Variants in NTRK3 observed in about 807,000 individuals in gnomAD.
NTRK3 encodes the protein neurotrophic receptor tyrosine kinase 3, also known as NT-3 growth factor receptor.
Under a neutral mutation model 91.7 loss-of-function variants are expected in NTRK3, and 24 were observed. The ratio of observed to expected loss-of-function variants is 0.26; its 90% confidence interval spans 0.19 to 0.37. The LOEUF (loss-of-function observed/expected upper bound fraction) is 0.37, where lower values mean the gene tolerates loss of function less well. Ranked by LOEUF, NTRK3 falls within the 10% of genes least tolerant of loss-of-function variation. The pLI is 1.00. For missense variants in NTRK3, 880 were observed against 1,068.9 expected, an observed-to-expected ratio of 0.82 and a Z score of 2.46; for synonymous variants, 483 against 404.0, an observed-to-expected ratio of 1.20 and a Z score of -2.34.
intron 13 of NTRK3, among the ~76,000 whole-genome samples, chr15:88,073,341 T>C (rs1362398526): frequency 6.6e-6 from 1 of 152,160 alleles, no homozygotes; most frequent in Non-Finnish European, 1.5e-5. Flanking sequence ...GTGATTCCCA[T>C]AGTGTGAGCC....
chr15:87,929,685 T>C (rs1306482398), intron 16 of NTRK3, among the ~76,000 whole-genome samples: 1 of 152,246 alleles, frequency 6.6e-6, no homozygotes, highest in Admixed American at 6.5e-5. Flanking sequence ...ATAAACCTAC[T>C]CTTTTTAATA....
rs549441560 is a variant in NTRK3 at position 88,210,550 on chromosome 15, G to C, written c.249-26251C>G. ...ACAAACTGGCCAGAGGGAAAGCTCA[G>C]ATGCAGGAACAACTCTCCCAGGTGG... On this transcript the variant is annotated intron_variant, in intron 3 of 18. Transcript: ENST00000394480. Among the ~76,000 whole-genome samples, 3 of 152,358 alleles carry C rather than the reference G, an allele frequency of 2.0e-5. No homozygotes were observed. In the East Asian group the frequency reaches 5.8e-4, roughly 29 times the overall value.
rs79175147 is a variant in NTRK3 at position 88,012,002 on chromosome 15, T to C, written c.1585+20855A>G. ...GGCAGATCCTCCCATTAGTCCCACCTTATGACAGACACACAGAAACATGGG... is the reference window on the plus strand; with the variant it reads ...GGCAGATCCTCCCATTAGTCCCACCCTATGACAGACACACAGAAACATGGG... On this transcript the variant is annotated intron_variant, in intron 14 of 18. Coordinates refer to ENST00000394480, the Ensembl canonical transcript of NTRK3. Among the ~76,000 whole-genome samples, 4 of 152,280 alleles carry C rather than the reference T, an allele frequency of 2.6e-5. No homozygotes were observed. In the East Asian group the frequency reaches 7.7e-4, roughly 29 times the overall value.
chr15:88,079,085 G>A (rs2047816676), intron 13 of NTRK3, among the ~76,000 whole-genome samples: 1 of 152,212 alleles, frequency 6.6e-6, no homozygotes, highest in Non-Finnish European at 1.5e-5. Flanking sequence ...TGGATGTGGT[G>A]TTGGCGGAGG....
At chr15:88,111,754 A>C (rs188506821) in intron 13 of NTRK3, among the ~76,000 whole-genome samples, 1 of 152,362 alleles carries the variant, frequency 6.6e-6, no homozygotes, top group Admixed American at 6.5e-5. Flanking sequence ...TGTGAAAAAC[A>C]GAATGATAAT....
At chr15:88,118,789 G>A (rs983898996) in intron 13 of NTRK3, among the ~76,000 whole-genome samples, 1 of 152,192 alleles carries the variant, frequency 6.6e-6, no homozygotes, top group Non-Finnish European at 1.5e-5. Flanking sequence ...AGGGACAAGA[G>A]GTGCAGAATG....
intron 17 of NTRK3, among the ~76,000 whole-genome samples, chr15:87,897,889 T>C (rs745848027): frequency 1.3e-5 from 2 of 152,202 alleles, no homozygotes; most frequent in Non-Finnish European, 2.9e-5. Flanking sequence ...AAGGAAATAA[T>C]GTATAACTCA....
intron 14 of NTRK3, among the ~76,000 whole-genome samples, chr15:87,973,263 G>C (rs941341221): frequency 1.3e-5 from 2 of 152,304 alleles, no homozygotes; most frequent in Admixed American, 6.5e-5. Flanking sequence ...CCCTTATCAA[G>C]ATTTAATTTC....
chr15:88,111,612 C>T (rs184959442), intron 13 of NTRK3, among the ~76,000 whole-genome samples: 1 of 152,142 alleles, frequency 6.6e-6, no homozygotes, highest in Non-Finnish European at 1.5e-5. Flanking sequence ...AGGTTCCCAG[C>T]AGCCCTAGGT....
intron 3 of NTRK3, among the ~76,000 whole-genome samples, chr15:88,217,384 G>A (rs1303325920): frequency 6.6e-6 from 1 of 152,222 alleles, no homozygotes; most frequent in African/African-American, 2.4e-5. Context: ...ATAACAAAAT[G>A]TGGTAAATAC....
intron 14 of NTRK3, among the ~76,000 whole-genome samples, chr15:87,947,259 T>C (rs2070649524): frequency 1.1e-5 from 1 of 93,052 alleles, no homozygotes; most frequent in African/African-American, 3.9e-5. Flanking sequence ...TTACGTAACT[T>C]GCCCAAGATC....
chr15:88,193,098 C>G (rs952055175), intron 3 of NTRK3, among the ~76,000 whole-genome samples: 1 of 152,172 alleles, frequency 6.6e-6, no homozygotes, highest in African/African-American at 2.4e-5. Context: ...TAAGTATACA[C>G]CTGGAAAGCC....
intron 6 of NTRK3, among the ~76,000 whole-genome samples, chr15:88,139,289 C>G (rs1011728019): frequency 6.6e-6 from 1 of 152,238 alleles, no homozygotes; most frequent in South Asian, 2.1e-4. Context: ...TAAAGGGCAC[C>G]GGATAAATCT....
chr15:88,081,231 G>A (rs375075648), intron 13 of NTRK3, among the ~76,000 whole-genome samples: 1 of 152,050 alleles, frequency 6.6e-6, no homozygotes, highest in Non-Finnish European at 1.5e-5. Flanking sequence ...AAAGCCTTAG[G>A]GCCTGGATCC....
intron 10 of NTRK3, among the ~76,000 whole-genome samples, chr15:88,131,184 G>A (rs890717961): frequency 2.6e-5 from 4 of 152,262 alleles, no homozygotes; most frequent in African/African-American, 7.2e-5. Context: ...TGTTCCCTTT[G>A]GAATGCACTA....
At chr15:88,200,796 G>A (rs894708911) in intron 3 of NTRK3, among the ~76,000 whole-genome samples, 4 of 152,170 alleles carry the variant, frequency 2.6e-5, no homozygotes, top group African/African-American at 9.7e-5. Context: ...CCACCAAGCT[G>A]CAGCCCTCCC....
intron 17 of NTRK3, among the ~76,000 whole-genome samples, chr15:87,922,535 T>C (rs1034397512): frequency 1.3e-5 from 2 of 152,142 alleles, no homozygotes; most frequent in African/African-American, 4.8e-5. Flanking sequence ...ATCTTTAGGA[T>C]CCTCTTAAAA....
chr15:87,973,587 A>G (rs1330634722), intron 14 of NTRK3, among the ~76,000 whole-genome samples: 1 of 152,160 alleles, frequency 6.6e-6, no homozygotes, highest in Non-Finnish European at 1.5e-5. Flanking sequence ...AGAGCTATCC[A>G]AGGAATCTGG....
chr15:88,135,084 A>G lies in NTRK3; in HGVS notation c.1204+17T>C, dbSNP rs1347803837. On this transcript the variant is annotated intron_variant, in intron 10 of 18. Coordinates refer to ENST00000394480, the Ensembl canonical transcript of NTRK3. ...GAAAGAATCCATACACCTCCGATCC[A>G]GCTACGCTGCCCTCACCTGGAAAGG... 2 of 1,614,054 alleles carry G rather than the reference A, an allele frequency of 1.2e-6. No homozygotes were observed. Among genetic ancestry groups the G allele is most frequent in the Admixed American group, 1.7e-5 (1 of 60,012 alleles).
Sources: gnomAD v4.1 joint callset for allele counts (sites outside exome capture counted in the v4.1 genomes callset) on GRCh38, gnomAD v4.1.1 for gene constraint, MANE v1.5 for transcripts, NCBI Gene and HGNC (gene_info 2026-07-23, HGNC 2026-07-21) for gene names.